Variants in ROBO2 observed in about 807,000 individuals in gnomAD.
ROBO2 encodes roundabout guidance receptor 2, also known as roundabout homolog 2.
In ROBO2, 53 loss-of-function variants were observed where a neutral mutation model predicts 160.8. The observed-to-expected ratio is 0.33, with a 90% CI of 0.26 to 0.41. The LOEUF is 0.41. Ranked by LOEUF, ROBO2 falls within the 10% of genes least tolerant of loss-of-function variation. The probability of loss-of-function intolerance (pLI) is 1.00; values close to 1 mark genes in which losing one functional copy is unlikely to be tolerated. For synonymous variants in ROBO2, 664 were observed against 611.7 expected (o/e 1.09, Z -1.26); for missense variants, 1,577 against 1,722.4 (o/e 0.92, Z 1.49).
chr3:77,469,251 T>G (rs1452947694), intron 2 of ROBO2, among the ~76,000 whole-genome samples: 2 of 152,212 alleles, frequency 1.3e-5, no homozygotes, highest in Admixed American at 1.3e-4. Context: ...AGAATTAATT[T>G]GTCCAGCCAT....
At chr3:76,834,138 C>A (rs1434243190) in intron 2 of ROBO2, among the ~76,000 whole-genome samples, 29 of 126,668 alleles carry the variant, frequency 2.3e-4, no homozygotes, top group African/African-American at 8.7e-4. Flanking sequence ...TTCCTTCTTT[C>A]CTTCCTTCCT....
At chr3:77,046,907 A>G (rs1232452576) in intron 1 of ROBO2, among the ~76,000 whole-genome samples, 1 of 150,614 alleles carries the variant, frequency 6.6e-6, no homozygotes, top group African/African-American at 2.4e-5. Flanking sequence ...TTGGTAGGGA[A>G]GGTACCAAAT....
At chr3:76,805,027 T>C (rs1290629413) in intron 2 of ROBO2, among the ~76,000 whole-genome samples, 1 of 152,144 alleles carries the variant, frequency 6.6e-6, no homozygotes, top group Non-Finnish European at 1.5e-5. Flanking sequence ...TCCCAAAATA[T>C]TGTGAGCATT....
At chr3:77,474,081 G>T (rs1290593830) in intron 2 of ROBO2, among the ~76,000 whole-genome samples, 1 of 152,036 alleles carries the variant, frequency 6.6e-6, no homozygotes, top group African/African-American at 2.4e-5. Context: ...AAATGATATC[G>T]CAGAAAGGAA....
At chr3:76,811,793 CCTT>C in intron 2 of ROBO2, among the ~76,000 whole-genome samples, 1 of 46,202 alleles carries the variant, frequency 2.2e-5, no homozygotes. Context: ...TTCCTTCCTT[CCTT>C]CCTTCCTTCC....
At chr3:77,509,569 T>A (rs1561033490) in intron 5 of ROBO2, among the ~76,000 whole-genome samples, 1 of 152,044 alleles carries the variant, frequency 6.6e-6, no homozygotes. Flanking sequence ...TGGAAAATGA[T>A]GAATAGAAGA....
intron 19 of ROBO2, among the ~76,000 whole-genome samples, chr3:77,599,250 A>C (rs1221363610): frequency 7.0e-6 from 1 of 142,884 alleles, no homozygotes; most frequent in Admixed American, 7.1e-5. Context: ...AAATAGTCAT[A>C]TTTCCATTTT....
chr3:76,250,470 G>T (rs939961893), intron 2 of ROBO2, among the ~76,000 whole-genome samples: 2 of 152,064 alleles, frequency 1.3e-5, no homozygotes, highest in Admixed American at 1.3e-4. Context: ...TTAGGGAAGT[G>T]TTGTCCGTGC....
chr3:77,440,684 C>T (rs1271810178), intron 2 of ROBO2, among the ~76,000 whole-genome samples: 1 of 152,156 alleles, frequency 6.6e-6, no homozygotes, highest in African/African-American at 2.4e-5. Flanking sequence ...TTCTCAATTG[C>T]AAGACCTATG....
rs557400460 is a variant in ROBO2, at chr3:77,234,680, A to C, written c.388+136340A>C. Among the ~76,000 whole-genome samples, 33 of 152,274 alleles carry C rather than the reference A, an allele frequency of 2.2e-4. No individual in the cohort carries two copies. The East Asian group carries it at 6.4e-3, about 29-fold the overall frequency. On this transcript the variant is annotated intron_variant, in intron 2 of 25. Transcript: ENST00000461745. Reference sequence around the variant, plus strand: ...CTTTCTTTATCCTTTTGTAATTTTCATGTTGACCTATGTAAGTGCTTTGTT... The same window carrying C: ...CTTTCTTTATCCTTTTGTAATTTTCCTGTTGACCTATGTAAGTGCTTTGTT...
chr3:76,927,239 T>A, intron 2 of ROBO2, among the ~76,000 whole-genome samples: 1 of 152,050 alleles, frequency 6.6e-6, no homozygotes, highest in Non-Finnish European at 1.5e-5. Context: ...TGAAATACAT[T>A]CCCATAATGT....
chr3:77,354,183 G>T (rs1328680910), intron 2 of ROBO2, among the ~76,000 whole-genome samples: 1 of 152,164 alleles, frequency 6.6e-6, no homozygotes, highest in Non-Finnish European at 1.5e-5. Flanking sequence ...GCAATACCAG[G>T]AATAGTCTTC....
chr3:76,500,238 C>A (rs890568776), intron 2 of ROBO2, among the ~76,000 whole-genome samples: 4 of 152,126 alleles, frequency 2.6e-5, no homozygotes, highest in East Asian at 1.9e-4. Flanking sequence ...ACTGCCTCAG[C>A]CTCCTAAGTA....
intron 5 of ROBO2, among the ~76,000 whole-genome samples, chr3:77,496,227 G>A (rs572726210): frequency 2.2e-4 from 34 of 152,296 alleles, no homozygotes; most frequent in African/African-American, 7.7e-4. Context: ...ACAAATGGAA[G>A]TGCTGTGTAA....
At chr3:77,445,959 T>C (rs774330917) in intron 2 of ROBO2, among the ~76,000 whole-genome samples, 16 of 152,028 alleles carry the variant, frequency 1.1e-4, no homozygotes, top group Non-Finnish European at 1.9e-4. Flanking sequence ...CCCTGAGGCA[T>C]TGACTCATTT....
intron 2 of ROBO2, among the ~76,000 whole-genome samples, chr3:76,556,105 A>T (rs141267615): frequency 3.3e-5 from 5 of 152,174 alleles, no homozygotes; most frequent in Non-Finnish European, 5.9e-5. Context: ...ATCTCCAAAA[A>T]ATAAAAAATA....
chr3:77,583,377 T>C (rs1214133009), intron 16 of ROBO2, among the ~76,000 whole-genome samples: 2 of 151,788 alleles, frequency 1.3e-5, no homozygotes, highest in Non-Finnish European at 1.5e-5. Context: ...TTCTTTCACA[T>C]ATTTTGCCTA....
chr3:76,609,479 T>C (rs938779934), intron 2 of ROBO2, among the ~76,000 whole-genome samples: 1 of 152,078 alleles, frequency 6.6e-6, no homozygotes, highest in Non-Finnish European at 1.5e-5. Flanking sequence ...TTCTTTGCCA[T>C]TATTATAAAT....
chr3:77,390,805 A>G (rs1275733977), intron 2 of ROBO2, among the ~76,000 whole-genome samples: 1 of 152,194 alleles, frequency 6.6e-6, no homozygotes, highest in African/African-American at 2.4e-5. Context: ...CTCATTATAC[A>G]CAGTGTCTGA....
Sources: allele counts gnomAD v4.1 joint callset (sites outside exome capture counted in the v4.1 genomes callset), GRCh38; gene constraint gnomAD v4.1.1; transcripts MANE v1.5; gene names NCBI Gene and HGNC (gene_info 2026-07-23, HGNC 2026-07-21).